Variants in TNFRSF13B observed in about 807,000 individuals in gnomAD.
TNFRSF13B encodes TNF receptor superfamily member 13B.
Under a neutral mutation model 24.0 loss-of-function variants are expected in TNFRSF13B, and 34 were observed. That is an observed-to-expected ratio of 1.41 (90% confidence interval 1.08 to 1.88). The LOEUF (loss-of-function observed/expected upper bound fraction) is 1.88. Ranked by LOEUF, TNFRSF13B falls within the 40% of genes most tolerant of loss-of-function variation. The pLI is 0.00. For synonymous variants in TNFRSF13B, 173 were observed against 150.3 expected, an observed-to-expected ratio of 1.15 and a Z score of -1.10; for missense variants, 415 against 380.8, an observed-to-expected ratio of 1.09 and a Z score of -0.75.
intron 3 of TNFRSF13B, among the ~76,000 whole-genome samples, chr17:16,946,332 A>G (rs1167677678): frequency 2.6e-5 from 4 of 152,140 alleles, no homozygotes; most frequent in Non-Finnish European, 5.9e-5. Context: ...AGAGCAGGGC[A>G]GATGCCATCG....
intron 1 of TNFRSF13B, among the ~76,000 whole-genome samples, chr17:16,968,000 G>T (rs1309439704): frequency 2.0e-5 from 3 of 151,072 alleles, no homozygotes; most frequent in Admixed American, 2.0e-4. Flanking sequence ...AATTAGCCGG[G>T]TGTGGTGGCG....
intron 3 of TNFRSF13B, among the ~76,000 whole-genome samples, chr17:16,948,514 C>T (rs780962030): frequency 9.2e-5 from 14 of 152,218 alleles, no homozygotes; most frequent in Admixed American, 2.0e-4. Context: ...AAGGCTCTTC[C>T]TCACACGGCA....
At chr17:16,966,839 C>CTTTTTTTTTTTTT (rs71152837) in intron 1 of TNFRSF13B, among the ~76,000 whole-genome samples, 16 of 47,288 alleles carry the variant, frequency 3.4e-4, no homozygotes, top group Admixed American at 5.7e-4. Context: ...TTTCTTTTTT[C>CTTTTTTTTTTTTT]TTTTTTTTTT....
chr17:16,967,907 G>A (rs2087715788), intron 1 of TNFRSF13B, among the ~76,000 whole-genome samples: 1 of 151,720 alleles, frequency 6.6e-6, no homozygotes, highest in African/African-American at 2.4e-5. Flanking sequence ...GGATGCCGAG[G>A]TGGGTGGATC....
intron 3 of TNFRSF13B, 112 bp from the exon 4 acceptor site, chr17:16,940,623 A>G (rs1434081184): frequency 3.9e-6 from 6 of 1,528,674 alleles, no homozygotes; most frequent in Non-Finnish European, 5.3e-6. Flanking sequence ...TGGCTCCTGG[A>G]GAGGCTGGGC....
At chr17:16,962,722 A>C (rs1231221324) in intron 1 of TNFRSF13B, among the ~76,000 whole-genome samples, 2 of 152,166 alleles carry the variant, frequency 1.3e-5, no homozygotes, top group Non-Finnish European at 2.9e-5. Flanking sequence ...CAAAGGCAAA[A>C]ACAGGCTTTC....
At chr17:16,949,372 A>G (rs2087572841) in intron 2 of TNFRSF13B, among the ~76,000 whole-genome samples, 1 of 152,218 alleles carries the variant, frequency 6.6e-6, no homozygotes. Flanking sequence ...GCATTTTTCA[A>G]GCCTCATCAA....
intron 3 of TNFRSF13B, 166 bp from the exon 4 acceptor site, chr17:16,940,677 G>A: frequency 6.8e-7 from 1 of 1,478,986 alleles, no homozygotes; most frequent in Non-Finnish European, 9.0e-7. Flanking sequence ...TCTGGATCCT[G>A]GAGGAAGTTG....
At chr17:16,940,699 C>T (rs1304652221) in intron 3 of TNFRSF13B, 188 bp from the exon 4 acceptor site, 3 of 1,457,374 alleles carry the variant, frequency 2.1e-6, no homozygotes, top group Admixed American at 4.9e-5. Context: ...TCCACTCCCC[C>T]ATCCTGGCAG....
intron 1 of TNFRSF13B, among the ~76,000 whole-genome samples, chr17:16,957,813 C>T (rs147398746): frequency 8.5e-5 from 13 of 152,220 alleles, no homozygotes; most frequent in African/African-American, 2.9e-4. Flanking sequence ...AAAATCTGAG[C>T]AGTGCATTAT....
In TNFRSF13B at chr17:16,952,524, C is replaced by G. The variant is rs67951770; in HGVS notation, c.121G>C (p.Asp41His). The G allele has an allele frequency of 6.2e-6, 10 of 1,614,180 alleles. No individual in the cohort carries two copies. In the Admixed American group the frequency reaches 1.5e-4, roughly 24 times the overall value. The change falls in exon 2 of 5, where the codon GAT (aspartate) becomes CAT (histidine). Residue 41 changes from aspartate to histidine, a missense_variant. Asp to His is a moderately conservative substitution (Grantham distance 81, BLOSUM62 -1). Coordinates refer to ENST00000261652, the MANE Select transcript of TNFRSF13B (RefSeq NM_012452.3). ...GACATGCAGGTACCCAGCAGAGGAT[C>G]CCAGTACTGCTCTTCGGGGCAGGAT... ...MRSCPEEQYW[D>H]PLLGTCMSCK...
At chr17:16,946,851 G>A (rs900411159) in intron 3 of TNFRSF13B, among the ~76,000 whole-genome samples, 7 of 152,182 alleles carry the variant, frequency 4.6e-5, no homozygotes, top group African/African-American at 1.7e-4. Context: ...GCCTCCCAAA[G>A]TGCTAGGATT....
chr17:16,958,114 G>C (rs912757835), intron 1 of TNFRSF13B, among the ~76,000 whole-genome samples: 1 of 151,822 alleles, frequency 6.6e-6, no homozygotes, highest in Admixed American at 6.6e-5. Context: ...GGAAAGGCAG[G>C]GACATACAGG....
At chr17:16,960,327 A>G (rs1284825908) in intron 1 of TNFRSF13B, among the ~76,000 whole-genome samples, 3 of 152,204 alleles carry the variant, frequency 2.0e-5, no homozygotes, top group Non-Finnish European at 2.9e-5. Flanking sequence ...CTAAGATCAG[A>G]ACAAGGCCAG....
At chr17:16,964,495 C>T (rs1166562686) in intron 1 of TNFRSF13B, among the ~76,000 whole-genome samples, 14 of 151,798 alleles carry the variant, frequency 9.2e-5, no homozygotes. Context: ...GGTGTGTGCC[C>T]CTACACCCGG....
chr17:16,950,816 T>C (rs1460064969), intron 2 of TNFRSF13B, among the ~76,000 whole-genome samples: 1 of 151,986 alleles, frequency 6.6e-6, no homozygotes, highest in African/African-American at 2.4e-5. Flanking sequence ...TTCCCTCCTC[T>C]GAGCCTCTGC....
chr17:16,958,779 T>A (rs115393722), intron 1 of TNFRSF13B, among the ~76,000 whole-genome samples: 1,603 of 152,170 alleles, frequency 0.011, 31 homozygotes, highest in African/African-American at 0.036. Context: ...ATTATAAATG[T>A]ATACACACCT....
chr17:16,964,962 C>T (rs1294175637), intron 1 of TNFRSF13B, among the ~76,000 whole-genome samples: 1 of 151,856 alleles, frequency 6.6e-6, no homozygotes, highest in Non-Finnish European at 1.5e-5. Flanking sequence ...GTGTACATGA[C>T]AAGCATGTAA....
intron 4 of TNFRSF13B, 134 bp from the exon 5 acceptor site, chr17:16,939,931 G>C (rs915781977): frequency 7.8e-7 from 1 of 1,288,444 alleles, no homozygotes; most frequent in Non-Finnish European, 1.0e-6. Context: ...CCCCAGACAG[G>C]TGTCAGTGTC....
Sources: gnomAD v4.1 joint callset for allele counts (sites outside exome capture counted in the v4.1 genomes callset) on GRCh38, gnomAD v4.1.1 for gene constraint, MANE v1.5 for transcripts, NCBI Gene and HGNC (gene_info 2026-07-23, HGNC 2026-07-21) for gene names.